The following MED12L variants were observed in gnomAD, a reference collection of about 807,000 sequenced individuals.
The protein encoded by MED12L is mediator of RNA polymerase II transcription subunit 12-like protein.
A neutral mutation model predicts 281.3 loss-of-function variants in MED12L; 60 were observed. The observed-to-expected ratio is 0.21, with a 90% CI of 0.17 to 0.26. The LOEUF (loss-of-function observed/expected upper bound fraction) is 0.26, where lower values mean the gene tolerates loss of function less well. MED12L is among the 10% of genes least tolerant of loss of function. The pLI, the probability that MED12L is intolerant of heterozygous loss-of-function variation, is 1.00. For synonymous variants in MED12L, 974 were observed against 987.2 expected, an observed-to-expected ratio of 0.99 and a Z score of 0.25; for missense variants, 2,146 against 2,680.9, an observed-to-expected ratio of 0.80 and a Z score of 4.41.
Position 151,215,159 on chromosome 3 carries a change from A to G in MED12L, c.2250+21493A>G, listed in dbSNP as rs914886861. Among the ~76,000 whole-genome samples the G allele has an allele frequency of 2.0e-4, 31 of 152,168 alleles. 1 individual carries two copies. The highest frequency in any genetic ancestry group is 6.3e-4 in the African/African-American group (26 of 41,506). On this transcript the variant is annotated intron_variant, in intron 16 of 44. Transcript: ENST00000687756. ...AAACTGATTTGCATTATTTTAATAAATTAGAATACAAATACAAACAAATGA... is the reference window on the plus strand; with the variant it reads ...AAACTGATTTGCATTATTTTAATAAGTTAGAATACAAATACAAACAAATGA...
At chr3:151,405,430 C>A (rs189817765) in intron 39 of MED12L, among the ~76,000 whole-genome samples, 2 of 152,206 alleles carry the variant, frequency 1.3e-5, no homozygotes, top group African/African-American at 4.8e-5. Context: ...TACTGATATG[C>A]TTAAAATCAC....
intron 16 of MED12L, chr3:151,338,321 G>A: frequency 6.2e-7 from 1 of 1,614,106 alleles, no homozygotes; most frequent in Non-Finnish European, 8.5e-7. Flanking sequence ...TAAGGAAAGA[G>A]CATTTCTTCA....
intron 16 of MED12L, chr3:151,248,837 C>G (rs561458164): frequency 6.6e-6 from 1 of 152,104 alleles, no homozygotes; most frequent in Non-Finnish European, 1.5e-5. Flanking sequence ...TAACTGTACT[C>G]TGCATTAGAT....
intron 11 of MED12L, among the ~76,000 whole-genome samples, chr3:151,169,429 T>C (rs1237534878): frequency 1.3e-5 from 2 of 152,166 alleles, no homozygotes; most frequent in Admixed American, 6.5e-5. Flanking sequence ...CCCTGTTTTC[T>C]TGACTGCAGA....
chr3:151,249,899 G>C (rs77089281), intron 16 of MED12L, among the ~76,000 whole-genome samples: 1 of 152,074 alleles, frequency 6.6e-6, no homozygotes, highest in Non-Finnish European at 1.5e-5. Context: ...AATTCATCCA[G>C]TTTAGGGCCT....
chr3:151,300,064 T>A, intron 16 of MED12L: 1 of 1,591,070 alleles, frequency 6.3e-7, no homozygotes, highest in East Asian at 2.2e-5. Flanking sequence ...TACGACGGCT[T>A]ACTTGGTAAT....
In MED12L at chr3:151,188,497, CTT is replaced by C; in HGVS notation, c.1753+19_1753+20del. 6.3e-7 allele frequency: 1 copy of C among 1,592,214 alleles called. No individual in the cohort carries two copies. Among genetic ancestry groups the C allele is most frequent in the Non-Finnish European group, 8.5e-7 (1 of 1,169,900 alleles). On this transcript the variant is annotated intron_variant, in intron 13 of 44. Transcript: ENST00000687756. ...CCTCTTTGTGTAAGTAGAGAAAACT[CTT>C]TGCCTCTAGATCTTAAATAAGGGAT...
chr3:151,396,089 A>C (rs1332275011), intron 39 of MED12L, among the ~76,000 whole-genome samples: 1 of 152,224 alleles, frequency 6.6e-6, no homozygotes, highest in African/African-American at 2.4e-5. Flanking sequence ...AGAAAGGATG[A>C]GTCTAAGCTG....
chr3:151,396,540 T>TA (rs1384054549), intron 39 of MED12L, among the ~76,000 whole-genome samples: 1 of 152,122 alleles, frequency 6.6e-6, no homozygotes, highest in African/African-American at 2.4e-5. Context: ...GCAGGAGAAT[T>TA]ACTTGAACCT....
chr3:151,388,098 G>A lies in MED12L; in HGVS notation c.5377G>A (p.Gly1793Arg), dbSNP rs1169234480. Residue 1793 changes from glycine (G) to arginine (R), a missense_variant, in exon 37 of 45, where the codon GGA becomes AGA. Gly to Arg is a moderately radical substitution (Grantham distance 125). Around this residue, in one of 9 missense-constraint regions of MED12L, gnomAD observed 496 missense variants for 512.0 expected, o/e 0.97. Transcript: ENST00000687756. ...ERKSAELSDQ[G>R]KTTTDEEKKT... ...GAAGTCCGCTGAGCTGTCAGATCAGGGAAAAACCACAACAGATGAAGAAAA... is the reference window on the plus strand; with the variant it reads ...GAAGTCCGCTGAGCTGTCAGATCAGAGAAAAACCACAACAGATGAAGAAAA... 6.2e-7 allele frequency: 1 copy of A among 1,613,538 alleles called. No individual in the cohort carries two copies. The highest frequency in any genetic ancestry group is 1.1e-5 in the South Asian group (1 of 91,060).
At chr3:151,295,207 G>T in intron 16 of MED12L, 1 of 1,600,792 alleles carries the variant, frequency 6.2e-7, no homozygotes, top group Non-Finnish European at 8.5e-7. Context: ...CGTGCAGCTC[G>T]TTATCTGTAG....
intron 16 of MED12L, chr3:151,269,432 CACACACACAA>C (rs1341650784): frequency 1.6e-4 from 30 of 193,160 alleles, no homozygotes; most frequent in African/African-American, 5.1e-4. Flanking sequence ...CACACACACA[CACACACACAA>C]AATTCAGAGA....
At chr3:151,304,567 CA>C (rs202110811) in intron 16 of MED12L, among the ~76,000 whole-genome samples, 5 of 144,734 alleles carry the variant, frequency 3.5e-5, no homozygotes, top group East Asian at 2.0e-4. Flanking sequence ...GAGACTGTCT[CA>C]AAAAAAAATT....
chr3:151,168,961 C>T (rs541324400), intron 11 of MED12L, among the ~76,000 whole-genome samples: 2 of 152,002 alleles, frequency 1.3e-5, no homozygotes, highest in East Asian at 3.9e-4. Context: ...GAGGTGTGAG[C>T]CAGTGTGCCT....
chr3:151,326,883 T>G (rs1161164699), intron 16 of MED12L: 1 of 152,122 alleles, frequency 6.6e-6, no homozygotes, highest in African/African-American at 2.4e-5. Flanking sequence ...CACAGAAGGA[T>G]GCAAGAAAAA....
intron 39 of MED12L, among the ~76,000 whole-genome samples, chr3:151,403,844 T>C (rs1196681303): frequency 6.6e-6 from 1 of 152,214 alleles, no homozygotes; most frequent in Non-Finnish European, 1.5e-5. Context: ...TTAATACTTG[T>C]TGTATAAGCA....
intron 27 of MED12L, among the ~76,000 whole-genome samples, chr3:151,373,476 C>T (rs1339935275): frequency 1.3e-5 from 2 of 151,926 alleles, no homozygotes; most frequent in East Asian, 3.9e-4. Flanking sequence ...TTTTCTTCTC[C>T]TTGTTTAACT....
chr3:151,296,149 A>AT (rs1257452560), intron 16 of MED12L, among the ~76,000 whole-genome samples: 12 of 152,114 alleles, frequency 7.9e-5, no homozygotes, highest in East Asian at 1.9e-4. Flanking sequence ...AACCTGGTAT[A>AT]TTTTTTTTGT....
At chr3:151,095,589 T>TG (rs1285103779) in intron 2 of MED12L, among the ~76,000 whole-genome samples, 1 of 152,204 alleles carries the variant, frequency 6.6e-6, no homozygotes, top group East Asian at 1.9e-4. Flanking sequence ...CCACTGTGCC[T>TG]GGCTGACTTT....
Sources: allele counts gnomAD v4.1 joint callset (sites outside exome capture counted in the v4.1 genomes callset), GRCh38; gene constraint gnomAD v4.1.1; regional missense constraint gnomAD v4.1.1; transcripts MANE v1.5; gene names NCBI Gene and HGNC (gene_info 2026-07-23, HGNC 2026-07-21).